The following AADACL2 variants were observed in gnomAD, a reference collection of about 807,000 sequenced individuals.
The protein encoded by AADACL2 is arylacetamide deacetylase-like 2.
Under a neutral mutation model 22.3 loss-of-function variants are expected in AADACL2, and 23 were observed. That is an observed-to-expected ratio of 1.03 (90% confidence interval 0.74 to 1.46). The LOEUF (loss-of-function observed/expected upper bound fraction) is 1.46. Ranked by LOEUF, AADACL2 falls within the 40% of genes most tolerant of loss-of-function variation. The pLI is 0.00. For missense variants in AADACL2, 472 were observed against 482.9 expected (o/e 0.98, Z 0.21); for synonymous variants, 177 against 166.2 (o/e 1.07, Z -0.50).
At chr3:151,753,951 TTGAA>T (rs1713776093) in intron 4 of AADACL2, among the ~76,000 whole-genome samples, 1 of 152,124 alleles carries the variant, frequency 6.6e-6, no homozygotes, top group Non-Finnish European at 1.5e-5. Context: ...GCCATGCCCT[TTGAA>T]TGGTCACAGG....
Position 151,750,790 on chromosome 3 carries a change from G to A in AADACL2, c.603+5110G>A, listed in dbSNP as rs375796639. On this transcript the variant is annotated intron_variant, in intron 4 of 4. Coordinates refer to ENST00000356517, the MANE Select transcript of AADACL2 (RefSeq NM_207365.4). ...ATATACATATACACTTGAAATACAC[G>A]TTATACATACATAAGTATATATGCA... Among the ~76,000 whole-genome samples, 12 of 152,100 alleles carry A rather than the reference G, an allele frequency of 7.9e-5. No individual in the cohort carries two copies. In the East Asian group the frequency reaches 9.6e-4, roughly 12 times the overall value.
intron 1 of AADACL2, among the ~76,000 whole-genome samples, chr3:151,735,240 T>A (rs982006132): frequency 5.3e-5 from 8 of 152,202 alleles, no homozygotes; most frequent in African/African-American, 1.9e-4. Flanking sequence ...CCTTTCTTGA[T>A]TATCTAATTT....
At chr3:151,740,374 C>T (rs973767357) in intron 1 of AADACL2, among the ~76,000 whole-genome samples, 2 of 152,210 alleles carry the variant, frequency 1.3e-5, no homozygotes, top group Non-Finnish European at 2.9e-5. Context: ...GTTGGAAATG[C>T]AGAAATCACC....
intron 4 of AADACL2, 65 bp downstream of exon 4, chr3:151,745,745 T>C: frequency 6.8e-7 from 1 of 1,472,524 alleles, no homozygotes; most frequent in Non-Finnish European, 9.1e-7. Flanking sequence ...CTATAGATAA[T>C]TCAGTTCTTC....
In AADACL2 at chr3:151,745,494, A is replaced by G. The variant is rs199837914; in HGVS notation, c.432-15A>G. ...CAGATACAACCATAAATGCTTTATTATTCTTTCTTTAAAGCTATAGGCTGG... is the reference window on the plus strand; with the variant it reads ...CAGATACAACCATAAATGCTTTATTGTTCTTTCTTTAAAGCTATAGGCTGG... On this transcript the variant is annotated splice_polypyrimidine_tract_variant and intron_variant, in intron 3 of 4. Transcript: ENST00000356517. 5 of 1,602,986 alleles carry G rather than the reference A, an allele frequency of 3.1e-6. No homozygotes were observed. Among genetic ancestry groups the G allele is most frequent in the Non-Finnish European group, 4.3e-6 (5 of 1,176,018 alleles).
At chr3:151,741,719 C>A (rs1401965) in intron 2 of AADACL2, among the ~76,000 whole-genome samples, 5 of 151,802 alleles carry the variant, frequency 3.3e-5, no homozygotes, top group African/African-American at 1.2e-4. Flanking sequence ...GAAGTTTTTA[C>A]GAGGTGTATG....
chr3:151,743,476 C>A (rs1713343332), intron 2 of AADACL2, among the ~76,000 whole-genome samples: 1 of 152,036 alleles, frequency 6.6e-6, no homozygotes. Context: ...GTACATCAAG[C>A]ATGTCAAAAC....
intron 4 of AADACL2, among the ~76,000 whole-genome samples, chr3:151,753,682 A>T (rs1004420562): frequency 6.6e-6 from 1 of 152,162 alleles, no homozygotes; most frequent in Non-Finnish European, 1.5e-5. Context: ...AACAATACTT[A>T]CCATTAGCAA....
At chr3:151,749,761 G>A (rs1352749771) in intron 4 of AADACL2, among the ~76,000 whole-genome samples, 2 of 152,146 alleles carry the variant, frequency 1.3e-5, no homozygotes, top group African/African-American at 4.8e-5. Flanking sequence ...AATTACAGGC[G>A]TGAGCCACTG....
chr3:151,753,824 G>A (rs1367564778), intron 4 of AADACL2, among the ~76,000 whole-genome samples: 1 of 152,134 alleles, frequency 6.6e-6, no homozygotes, highest in Non-Finnish European at 1.5e-5. Flanking sequence ...GAGCTAGATG[G>A]TAGGGTATCT....
intron 2 of AADACL2, among the ~76,000 whole-genome samples, chr3:151,741,637 T>C (rs1442017466): frequency 1.3e-5 from 2 of 152,182 alleles, no homozygotes; most frequent in East Asian, 1.9e-4. Flanking sequence ...AATGGTCGAA[T>C]AACCTGCTTT....
intron 4 of AADACL2, among the ~76,000 whole-genome samples, chr3:151,746,788 C>A (rs1243774542): frequency 6.6e-6 from 1 of 151,968 alleles, no homozygotes; most frequent in African/African-American, 2.4e-5. Context: ...TAGGCATGAG[C>A]CTTACTTGGT....
Position 151,760,725 on chromosome 3 carries a change from T to G in AADACL2, c.*3131T>G, listed in dbSNP as rs1479432244. 6.6e-6 allele frequency: 1 copy of G among 152,176 alleles called. No individual in the cohort carries two copies. The highest frequency in any genetic ancestry group is 1.5e-5 in the Non-Finnish European group (1 of 68,020). The allele number at this position is 152,176 out of a possible 1,614,324, so 9.4% of individuals were successfully genotyped here. On this transcript the variant is annotated 3_prime_UTR_variant, in exon 5 of 5. Coordinates refer to ENST00000356517, the MANE Select transcript of AADACL2 (RefSeq NM_207365.4). ...GTTTGCTAGAGCTGCTATAACAAAGTATCACAAACTGAGTGCCTTAAATAA... is the reference window on the plus strand; with the variant it reads ...GTTTGCTAGAGCTGCTATAACAAAGGATCACAAACTGAGTGCCTTAAATAA...
intron 4 of AADACL2, among the ~76,000 whole-genome samples, chr3:151,751,058 T>A (rs775641797): frequency 6.6e-6 from 1 of 152,142 alleles, no homozygotes; most frequent in Non-Finnish European, 1.5e-5. Context: ...AAGAAGAAAG[T>A]TTGCAAACCA....
chr3:151,746,787 G>A (rs763337039), intron 4 of AADACL2, among the ~76,000 whole-genome samples: 1 of 152,038 alleles, frequency 6.6e-6, no homozygotes, highest in African/African-American at 2.4e-5. Context: ...CTAGGCATGA[G>A]CCTTACTTGG....
At chr3:151,751,981 G>A (rs1281707148) in intron 4 of AADACL2, among the ~76,000 whole-genome samples, 8 of 152,204 alleles carry the variant, frequency 5.3e-5, no homozygotes, top group Non-Finnish European at 1.2e-4. Flanking sequence ...ACAGGCTGCA[G>A]AAGAACTCAG....
At chr3:151,750,784 A>G (rs560177872) in intron 4 of AADACL2, among the ~76,000 whole-genome samples, 1 of 152,324 alleles carries the variant, frequency 6.6e-6, no homozygotes, top group African/African-American at 2.4e-5. Context: ...TACACTTGAA[A>G]TACACGTTAT....
At chr3:151,756,206 G>A (rs1191728077) in intron 4 of AADACL2, among the ~76,000 whole-genome samples, 1 of 152,080 alleles carries the variant, frequency 6.6e-6, no homozygotes, top group African/African-American at 2.4e-5. Context: ...TTAATTCAAC[G>A]TTATCTCCTG....
Position 151,757,552 on chromosome 3 carries a change from G to A in AADACL2, c.1164G>A (p.Arg388=). 1.9e-6 allele frequency: 3 copies of A among 1,612,594 alleles called. No individual in the cohort carries two copies. Among genetic ancestry groups the A allele is most frequent in the Non-Finnish European group, 2.5e-6 (3 of 1,179,098 alleles). ...CATTTTATTTACGTCTAGGTCTTAG[G>A]ATAAGAGATATGTATGTAAGTTGGC... The part of the protein sequence containing the change: ...TSPFYLRLGL[R]IRDMYVSWLD... Residue 388 remains arginine (R), a synonymous_variant, in exon 5 of 5, where the codon AGG becomes AGA. Coordinates refer to ENST00000356517, the MANE Select transcript of AADACL2 (RefSeq NM_207365.4).
Sources: gnomAD v4.1 joint callset for allele counts (sites outside exome capture counted in the v4.1 genomes callset) on GRCh38, gnomAD v4.1.1 for gene constraint, MANE v1.5 for transcripts, NCBI Gene and HGNC (gene_info 2026-07-23, HGNC 2026-07-21) for gene names.